HSBP1: variants seen among roughly 807,000 people sequenced by gnomAD.
HSBP1 encodes heat shock factor-binding protein 1.
Under a neutral mutation model 9.6 loss-of-function variants are expected in HSBP1, and 5 were observed. The observed-to-expected ratio is 0.52, with a 90% CI of 0.27 to 1.09. The LOEUF (loss-of-function observed/expected upper bound fraction) is 1.09. Ranked by LOEUF, HSBP1 falls within the 50% of genes least tolerant of loss-of-function variation. HSBP1 has a pLI of 0.11. For missense variants in HSBP1, 121 were observed against 96.3 expected (o/e 1.26, Z -1.07); for synonymous variants, 42 against 33.3 (o/e 1.26, Z -0.90).
In HSBP1 at chr16:83,817,426, C is replaced by T. The variant is rs1395439400; in HGVS notation, c.*6008C>T. ...AGCTTCAGATCTGCCTGACATTTTTCCTGCCTGTCCTGGGCCAGGTATGGC... is the reference window on the plus strand; with the variant it reads ...AGCTTCAGATCTGCCTGACATTTTTTCTGCCTGTCCTGGGCCAGGTATGGC... On this transcript the variant is annotated 3_prime_UTR_variant, in exon 4 of 4. Coordinates refer to ENST00000433866, the MANE Select transcript of HSBP1 (RefSeq NM_001537.4). The T allele has an allele frequency of 3.3e-5, 5 of 152,390 alleles. No individual in the cohort carries two copies. Among genetic ancestry groups the T allele is most frequent in the African/African-American group, 1.2e-4 (5 of 41,588 alleles). The allele number at this position is 152,390 out of a possible 1,614,324, so 9.4% of individuals were successfully genotyped here. A position where few individuals can be genotyped will look rare whatever the true frequency, so the allele number is the denominator to read the frequency against.
chr16:83,809,360 G>A lies in HSBP1; in HGVS notation c.168G>A (p.Met56Ile), dbSNP rs1222585551. Residue 56 changes from methionine (M) to isoleucine (I), a missense_variant, in exon 3 of 4, where the codon ATG (methionine) becomes ATA (isoleucine). Met to Ile is a conservative substitution (Grantham distance 10, BLOSUM62 1). Coordinates refer to ENST00000433866, the MANE Select transcript of HSBP1 (RefSeq NM_001537.4). ...TGGAAAAGAATATCGCGGACCTCAT[G>A]ACACAGGCTGGGGTGGAAGAACTGG... Reference protein sequence around the residue: ...DDLEKNIADLMTQAGVEELES... With the variant: ...DDLEKNIADLITQAGVEELES... The A allele has an allele frequency of 6.2e-7, 1 of 1,604,638 alleles. No homozygotes were observed. Among genetic ancestry groups the A allele is most frequent in the East Asian group, 2.2e-5 (1 of 44,586 alleles).
In HSBP1 at chr16:83,810,492, A is replaced by G. The variant is rs368948919; in HGVS notation, c.*3-929A>G. On this transcript the variant is annotated intron_variant, in intron 3 of 3. Coordinates refer to ENST00000433866, the MANE Select transcript of HSBP1 (RefSeq NM_001537.4). ...AGTCGAGGTCACGCCACTGCACTCC[A>G]GCCTGGGCGACAGAGTGAGACTCTG... Among the ~76,000 whole-genome samples the G allele has an allele frequency of 2.9e-5, 4 of 137,944 alleles. No homozygotes were observed. The East Asian group carries it at 8.7e-4, about 30-fold the overall frequency. The allele number at this position is 137,944 out of a possible 152,430, so 90.5% of individuals were successfully genotyped here.
In HSBP1 at chr16:83,819,037, C is replaced by T. The variant is rs916843643; in HGVS notation, c.*7619C>T. On this transcript the variant is annotated 3_prime_UTR_variant, in exon 4 of 4. Transcript: ENST00000433866. ...GGAGGTCCAGCAGCCTGGGTTTTAA[C>T]ACATCCTCCAGGCGATTCTGAGAGT... 2 of 151,862 alleles carry T rather than the reference C, an allele frequency of 1.3e-5. No individual in the cohort carries two copies. The highest frequency in any genetic ancestry group is 2.9e-5 in the Non-Finnish European group (2 of 67,990). The allele number at this position is 151,862 out of a possible 1,614,324, so 9.4% of individuals were successfully genotyped here. A position where few individuals can be genotyped will look rare whatever the true frequency, so the allele number is the denominator to read the frequency against.
chr16:83,808,338 C>T (rs1904510899), intron 1 of HSBP1: 2 of 553,848 alleles, frequency 3.6e-6, no homozygotes, highest in South Asian at 4.6e-5. Context: ...CGACCCCTTC[C>T]AGTAGCCCCA....
rs762875988 is a variant in HSBP1, at chr16:83,812,581, A to C, written c.*1163A>C. 1 of 152,144 alleles carries C rather than the reference A, an allele frequency of 6.6e-6. No homozygotes were observed. 9.4% of individuals were successfully genotyped at this position (152,144 alleles called of 1,614,324 possible). ...ATGATTTTTTTAAGTTTCTCATCTC[A>C]CCAGTCTTGGTGTTTATATTGCAAA... On this transcript the variant is annotated 3_prime_UTR_variant, in exon 4 of 4. Transcript: ENST00000433866.
rs1198138747 is a variant in HSBP1 at position 83,813,661 on chromosome 16, ATTC to A, written c.*2246_*2248del. 2 of 152,214 alleles carry A rather than the reference ATTC, an allele frequency of 1.3e-5. No individual in the cohort carries two copies. The highest frequency in any genetic ancestry group is 4.8e-5 in the African/African-American group (2 of 41,432). The allele number at this position is 152,214 out of a possible 1,614,324, so 9.4% of individuals were successfully genotyped here. A position where few individuals can be genotyped will look rare whatever the true frequency, so the allele number is the denominator to read the frequency against. On this transcript the variant is annotated 3_prime_UTR_variant, in exon 4 of 4. Coordinates refer to ENST00000433866, the MANE Select transcript of HSBP1 (RefSeq NM_001537.4). ...TATATGAAGTATTCCTTCTCCAGCT[ATTC>A]TTGTTCGTTTACCAGCCAGTGAAGA...
Position 83,812,572 on chromosome 16 carries a change from T to G in HSBP1, c.*1154T>G, listed in dbSNP as rs1904624572. The G allele has an allele frequency of 6.6e-6, 1 of 152,220 alleles. No homozygotes were observed. The allele number at this position is 152,220 out of a possible 1,614,324, so 9.4% of individuals were successfully genotyped here. A position where few individuals can be genotyped will look rare whatever the true frequency, so the allele number is the denominator to read the frequency against. On this transcript the variant is annotated 3_prime_UTR_variant, in exon 4 of 4. Coordinates refer to ENST00000433866, the MANE Select transcript of HSBP1 (RefSeq NM_001537.4). ...TTGAAAAACATGATTTTTTTAAGTT[T>G]CTCATCTCACCAGTCTTGGTGTTTA...
intron 3 of HSBP1, among the ~76,000 whole-genome samples, chr16:83,810,462 G>T (rs1904573912): frequency 6.9e-6 from 1 of 145,330 alleles, no homozygotes; most frequent in South Asian, 2.2e-4. Context: ...GGAGGCGGAG[G>T]TTGCAGTCGA....
chr16:83,810,656 G>A (rs944943387), intron 3 of HSBP1, among the ~76,000 whole-genome samples: 19 of 151,746 alleles, frequency 1.3e-4, no homozygotes, highest in African/African-American at 4.6e-4. Flanking sequence ...GGCCAACATG[G>A]TGAAACCCTG....
rs1026391420 is a variant in HSBP1 at position 83,811,594 on chromosome 16, G to A, written c.*176G>A. 1 of 152,176 alleles carries A rather than the reference G, an allele frequency of 6.6e-6. No individual in the cohort carries two copies. The highest frequency in any genetic ancestry group is 2.1e-4 in the South Asian group (1 of 4,826). The allele number at this position is 152,176 out of a possible 1,614,324, so 9.4% of individuals were successfully genotyped here. On this transcript the variant is annotated 3_prime_UTR_variant, in exon 4 of 4. Coordinates refer to ENST00000433866, the MANE Select transcript of HSBP1 (RefSeq NM_001537.4). ...ATTTCCCCCCAGTTTCTTGAACATG[G>A]TATCTTCACATCTTGGACCTTGGTC...
At position 83,814,132 on chromosome 16, in the gene HSBP1, T is replaced by A. The variant is rs1418026054; in HGVS notation, c.*2714T>A. The A allele has an allele frequency of 6.6e-6, 1 of 152,206 alleles. No homozygotes were observed. The highest frequency in any genetic ancestry group is 1.5e-5 in the Non-Finnish European group (1 of 68,042). The allele number at this position is 152,206 out of a possible 1,614,324, so 9.4% of individuals were successfully genotyped here. A position where few individuals can be genotyped will look rare whatever the true frequency, so the allele number is the denominator to read the frequency against. Reference sequence around the variant, plus strand: ...CCTCTTTTATTTTGTATTTTGCACATTATATATTTTGATTAGATTAAAATG... The same window carrying A: ...CCTCTTTTATTTTGTATTTTGCACAATATATATTTTGATTAGATTAAAATG... On this transcript the variant is annotated 3_prime_UTR_variant, in exon 4 of 4. Coordinates refer to ENST00000433866, the MANE Select transcript of HSBP1 (RefSeq NM_001537.4).
chr16:83,811,736 T>G lies in HSBP1; in HGVS notation c.*318T>G, dbSNP rs1904605867. 6.6e-6 allele frequency: 1 copy of G among 152,332 alleles called. No homozygotes were observed. Among genetic ancestry groups the G allele is most frequent in the Non-Finnish European group, 1.5e-5 (1 of 68,024 alleles). The allele number at this position is 152,332 out of a possible 1,614,324, so 9.4% of individuals were successfully genotyped here. On this transcript the variant is annotated 3_prime_UTR_variant, in exon 4 of 4. Transcript: ENST00000433866. ...TTTCTTGTCATTCCTTTTGTAGTAG[T>G]TGCTGTTTGGATAAAAGTTGATGTG...
chr16:83,808,171 C>T, intron 1 of HSBP1, 50 bp downstream of exon 1: 2 of 1,496,122 alleles, frequency 1.3e-6, no homozygotes, highest in South Asian at 1.2e-5. Context: ...CGGGCGGCGC[C>T]GGGCCAAGCC....
intron 3 of HSBP1, among the ~76,000 whole-genome samples, chr16:83,810,335 C>G (rs2151030660): frequency 6.6e-6 from 1 of 152,184 alleles, no homozygotes; most frequent in East Asian, 1.9e-4. Flanking sequence ...CAGAATCACT[C>G]AGCAGAGTGC....
rs890572286 is a variant in HSBP1, at chr16:83,816,075, G to T, written c.*4657G>T. 6.6e-6 allele frequency: 1 copy of T among 152,164 alleles called. No homozygotes were observed. Among genetic ancestry groups the T allele is most frequent in the Non-Finnish European group, 1.5e-5 (1 of 68,054 alleles). 9.4% of individuals were successfully genotyped at this position (152,164 alleles called of 1,614,324 possible). On this transcript the variant is annotated 3_prime_UTR_variant, in exon 4 of 4. Coordinates refer to ENST00000433866, the MANE Select transcript of HSBP1 (RefSeq NM_001537.4). ...AGTCCCAAGGGAGGGCAGCTCTGGG[G>T]CGAGTAAATTCTGCACCTCAGTAAA...
chr16:83,814,095 A>C lies in HSBP1; in HGVS notation c.*2677A>C, dbSNP rs1285267519. 1 of 152,228 alleles carries C rather than the reference A, an allele frequency of 6.6e-6. No homozygotes were observed. Among genetic ancestry groups the C allele is most frequent in the East Asian group, 1.9e-4 (1 of 5,204 alleles). The allele number at this position is 152,228 out of a possible 1,614,324, so 9.4% of individuals were successfully genotyped here. Reference sequence around the variant, plus strand: ...TTTGTAAATGGAAGCCTTCCCAAGCAGACACTGTGTTCCTCTTTTATTTTG... The same window carrying C: ...TTTGTAAATGGAAGCCTTCCCAAGCCGACACTGTGTTCCTCTTTTATTTTG... On this transcript the variant is annotated 3_prime_UTR_variant, in exon 4 of 4. Transcript: ENST00000433866.
In HSBP1 at chr16:83,813,047, A is replaced by G. The variant is rs1306872029; in HGVS notation, c.*1629A>G. ...TTGGTTTTCAGATGGAAATGCAGAA[A>G]TCACATTAGAGTATCAACTAAAACC... On this transcript the variant is annotated 3_prime_UTR_variant, in exon 4 of 4. Coordinates refer to ENST00000433866, the MANE Select transcript of HSBP1 (RefSeq NM_001537.4). The G allele has an allele frequency of 6.6e-6, 1 of 152,270 alleles. No homozygotes were observed. The highest frequency in any genetic ancestry group is 1.5e-5 in the Non-Finnish European group (1 of 68,074). The allele number at this position is 152,270 out of a possible 1,614,324, so 9.4% of individuals were successfully genotyped here.
chr16:83,808,387 A>T (rs1350612141), intron 1 of HSBP1: 1 of 549,022 alleles, frequency 1.8e-6, no homozygotes, highest in East Asian at 3.2e-5. Context: ...CCTCCCGCCT[A>T]CCTCTGACAC....
Position 83,814,216 on chromosome 16 carries a change from C to A in HSBP1, c.*2798C>A, listed in dbSNP as rs1904667643. 1 of 152,228 alleles carries A rather than the reference C, an allele frequency of 6.6e-6. No individual in the cohort carries two copies. Among genetic ancestry groups the A allele is most frequent in the Non-Finnish European group, 1.5e-5 (1 of 68,048 alleles). 9.4% of individuals were successfully genotyped at this position (152,228 alleles called of 1,614,324 possible). A position where few individuals can be genotyped will look rare whatever the true frequency, so the allele number is the denominator to read the frequency against. On this transcript the variant is annotated 3_prime_UTR_variant, in exon 4 of 4. Coordinates refer to ENST00000433866, the MANE Select transcript of HSBP1 (RefSeq NM_001537.4). ...CCTGAAAGTTAACTGGTTACAGTTA[C>A]CAAATGTTCACAGCTAGCGCCATTG...
Sources: gnomAD v4.1 joint callset for allele counts (sites outside exome capture counted in the v4.1 genomes callset) on GRCh38, gnomAD v4.1.1 for gene constraint, MANE v1.5 for transcripts, NCBI Gene and HGNC (gene_info 2026-07-23, HGNC 2026-07-21) for gene names.